MTCL1: variants seen among roughly 807,000 people sequenced by gnomAD.
MTCL1 encodes microtubule crosslinking factor 1.
Under a neutral mutation model 141.4 loss-of-function variants are expected in MTCL1, and 79 were observed. That is an observed-to-expected ratio of 0.56 (90% CI 0.47 to 0.67). The LOEUF is 0.67. Among genes scored for constraint, MTCL1 ranks in the 30% least tolerant of loss-of-function variants. MTCL1 has a pLI of 0.00. For missense variants in MTCL1, 2,177 were observed against 2,113.9 expected, an observed-to-expected ratio of 1.03 and a Z score of -0.59; for synonymous variants, 914 against 875.8, an observed-to-expected ratio of 1.04 and a Z score of -0.77.
intron 4 of MTCL1, among the ~76,000 whole-genome samples, chr18:8,744,224 A>AG (rs2096322349): frequency 6.6e-6 from 1 of 152,278 alleles, no homozygotes; most frequent in Non-Finnish European, 1.5e-5. Flanking sequence ...AGCTAGGTGC[A>AG]TGCGGTTAGC....
At chr18:8,784,312 G>A in exon 6 of MTCL1, 1 of 1,566,840 alleles carries the variant, frequency 6.4e-7, no homozygotes, top group Non-Finnish European at 8.7e-7. Context: ...ATGGGGAGGA[G>A]AGCCGCCTGC....
chr18:8,778,031 T>G, intron 5 of MTCL1, 139 bp downstream of exon 4: 1 of 682,022 alleles, frequency 1.5e-6, no homozygotes, highest in South Asian at 2.1e-5. Context: ...GACTCATTCC[T>G]AACCTCCACA....
At chr18:8,832,133 G>C (rs2077209092) in exon 17 of MTCL1, 2 of 279,260 alleles carry the variant, frequency 7.2e-6, no homozygotes, top group African/African-American at 4.4e-5. Context: ...TACATTTTAA[G>C]AGATTCTGAA....
intron 4 of MTCL1, among the ~76,000 whole-genome samples, chr18:8,745,578 G>A (rs2096332140): frequency 6.6e-6 from 1 of 152,078 alleles, no homozygotes; most frequent in Admixed American, 6.5e-5. Flanking sequence ...CCAGGTTTTT[G>A]TTATTACAAA....
At chr18:8,790,036 A>T (rs1415174359) in intron 7 of MTCL1, among the ~76,000 whole-genome samples, 1 of 152,230 alleles carries the variant, frequency 6.6e-6, no homozygotes, top group Admixed American at 6.5e-5. Flanking sequence ...GATAATCAGG[A>T]GGATCTAAAC....
At chr18:8,788,162 G>A (rs1036986799) in intron 7 of MTCL1, among the ~76,000 whole-genome samples, 5 of 152,134 alleles carry the variant, frequency 3.3e-5, no homozygotes, top group South Asian at 2.1e-4. Context: ...AGACCCCGCC[G>A]GACTAACTGG....
In MTCL1 at chr18:8,806,183, A is replaced by G. The variant is rs192781713; in HGVS notation, c.2437-710A>G. 8.5e-5 allele frequency among the ~76,000 whole-genome samples: 13 copies of G among 152,290 alleles called. No individual in the cohort carries two copies. In the East Asian group the frequency reaches 2.3e-3, roughly 27 times the overall value. On this transcript the variant is annotated intron_variant, in intron 10 of 16. Coordinates refer to ENST00000359865, the Ensembl canonical transcript of MTCL1. ...GATAGTTCTATCTCAAGGGACCACA[A>G]TAAAGCCTTCCTGAACAGGTTATGC...
chr18:8,706,310 C>T (rs866261060), exon 1 of MTCL1: 1 of 1,230,434 alleles, frequency 8.1e-7, no homozygotes, highest in Non-Finnish European at 1.0e-6. Flanking sequence ...GACTGCCCCT[C>T]CGAACCCCTG....
intron 10 of MTCL1, among the ~76,000 whole-genome samples, chr18:8,801,095 G>A (rs949321709): frequency 1.3e-5 from 2 of 152,176 alleles, no homozygotes; most frequent in Non-Finnish European, 2.9e-5. Flanking sequence ...TCTGTGCTGC[G>A]TTAGGGCCTT....
chr18:8,825,744 C>G (rs1285329576), exon 15 of MTCL1: 1 of 1,614,158 alleles, frequency 6.2e-7, no homozygotes, highest in South Asian at 1.1e-5. Flanking sequence ...CAGGACGTCA[C>G]CAGGGATGGC....
chr18:8,729,024 C>T (rs954652635), intron 4 of MTCL1, among the ~76,000 whole-genome samples: 1 of 150,834 alleles, frequency 6.6e-6, no homozygotes, highest in Non-Finnish European at 1.5e-5. Context: ...ATGTGAGCCA[C>T]CACGCCCAGC....
chr18:8,735,570 G>A (rs1267131301), intron 4 of MTCL1, among the ~76,000 whole-genome samples: 4 of 152,134 alleles, frequency 2.6e-5, no homozygotes, highest in African/African-American at 9.7e-5. Context: ...TGTAAAGGAG[G>A]AGGTTCAGGG....
chr18:8,806,290 A>G (rs1411104505), intron 10 of MTCL1, among the ~76,000 whole-genome samples: 1 of 152,180 alleles, frequency 6.6e-6, no homozygotes, highest in Non-Finnish European at 1.5e-5. Context: ...TGTGTGTCAT[A>G]TCTGTGACCT....
chr18:8,793,760 CGTGTATTT>C (rs879494788), intron 8 of MTCL1, among the ~76,000 whole-genome samples: 9 of 152,206 alleles, frequency 5.9e-5, no homozygotes, highest in Admixed American at 1.3e-4. Context: ...GCTCTTCCCC[CGTGTATTT>C]GTTCTTGAAA....
At chr18:8,780,455 G>A (rs905821691) in intron 5 of MTCL1, among the ~76,000 whole-genome samples, 1 of 152,256 alleles carries the variant, frequency 6.6e-6, no homozygotes, top group African/African-American at 2.4e-5. Flanking sequence ...GAAGGGTGGA[G>A]AGTGGGGCTG....
intron 4 of MTCL1, among the ~76,000 whole-genome samples, chr18:8,732,611 A>G (rs2096256099): frequency 6.6e-6 from 1 of 152,178 alleles, no homozygotes; most frequent in Non-Finnish European, 1.5e-5. Context: ...CCTGGTAATA[A>G]AAAATCATTC....
At chr18:8,715,806 A>G (rs554008235), upstream of MTCL1, among the ~76,000 whole-genome samples, 78 of 152,312 alleles carry the variant, frequency 5.1e-4, no homozygotes, top group Middle Eastern at 0.01. Context: ...GCAGGGGCAC[A>G]GCTCCCATAG....
At chr18:8,756,415 GTGTATATA>G (rs2096399614) in intron 4 of MTCL1, among the ~76,000 whole-genome samples, 3 of 140,618 alleles carry the variant, frequency 2.1e-5, no homozygotes, top group African/African-American at 8.5e-5. Flanking sequence ...GTGTGTATAT[GTGTATATA>G]TGTGTATATA....
At chr18:8,814,207 G>A (rs75591854) in intron 12 of MTCL1, among the ~76,000 whole-genome samples, 11,481 of 152,202 alleles carry the variant, frequency 0.075, 543 homozygotes, top group Non-Finnish European at 0.11. Context: ...GATAGGGCGG[G>A]AGGCAGAATG....
Sources: allele counts gnomAD v4.1 joint callset (sites outside exome capture counted in the v4.1 genomes callset), GRCh38; gene constraint gnomAD v4.1.1; transcripts MANE v1.5; gene names NCBI Gene and HGNC (gene_info 2026-07-23, HGNC 2026-07-21).